KCP: variants seen among roughly 807,000 people sequenced by gnomAD.
The protein encoded by KCP is kielin cysteine rich BMP regulator.
A neutral mutation model predicts 212.7 loss-of-function variants in KCP; 194 were observed. That is an observed-to-expected ratio of 0.91 (90% CI 0.81 to 1.03). KCP has a LOEUF of 1.03. Among genes scored for constraint, KCP ranks in the 50% least tolerant of loss-of-function variants. The pLI is 0.00. For synonymous variants in KCP, 833 were observed against 865.3 expected, an observed-to-expected ratio of 0.96 and a Z score of 0.65; for missense variants, 2,080 against 2,162.5, an observed-to-expected ratio of 0.96 and a Z score of 0.76.
intron 16 of KCP, 38 bp from the exon 17 acceptor site, chr7:128,891,857 G>C (rs767684248): frequency 7.2e-7 from 1 of 1,390,360 alleles, no homozygotes; most frequent in Non-Finnish European, 9.5e-7. Flanking sequence ...TGAGGGCAAA[G>C]CCTGACAGTC....
chr7:128,888,745 T>C, intron 22 of KCP, 118 bp downstream of exon 22: 2 of 960,878 alleles, frequency 2.1e-6, no homozygotes, highest in East Asian at 2.8e-5. Flanking sequence ...AGTCGGAGAG[T>C]GAGAGAAAAG....
intron 8 of KCP, among the ~76,000 whole-genome samples, chr7:128,898,553 A>G (rs191259730): frequency 5.0e-4 from 76 of 152,384 alleles, no homozygotes; most frequent in African/African-American, 1.8e-3. Flanking sequence ...CACCAAAAGT[A>G]AAAGTTGCTA....
intron 5 of KCP, 121 bp from the exon 6 acceptor site, chr7:128,904,259 AGGG>A: frequency 6.5e-7 from 1 of 1,544,326 alleles, no homozygotes; most frequent in South Asian, 1.2e-5. Context: ...ATGGCGGGGC[AGGG>A]CAGGACAGGG....
rs148397434 is a variant in KCP, at chr7:128,904,129, T to C, written c.581A>G (p.Tyr194Cys). 2.1e-5 allele frequency: 33 copies of C among 1,551,622 alleles called. 1 individual carries two copies. In the South Asian group the frequency reaches 2.4e-4, roughly 11 times the overall value. ...CCPHCKPGCD[Y>C]EGQLYEEGVT... ...CCCCTCCTCATAAAGCTGCCCCTCA[T>C]AATCACAGCCTGGGAAGGTTGGCAG... The change falls in exon 6 of 40, where the codon TAT (tyrosine) becomes TGT (cysteine). Residue 194 changes from tyrosine (Y) to cysteine (C), a missense_variant. Tyr to Cys is a radical substitution (Grantham distance 194). Coordinates refer to ENST00000610776, the MANE Select transcript of KCP (RefSeq NM_001366122.1).
intron 21 of KCP, 68 bp downstream of exon 21, chr7:128,890,275 A>G (rs1794008208): frequency 6.4e-7 from 1 of 1,551,200 alleles, no homozygotes; most frequent in East Asian, 2.4e-5. Context: ...GGCAGTAAAG[A>G]TTATTCTGAC....
chr7:128,903,430 G>T, intron 7 of KCP: 1 of 481,538 alleles, frequency 2.1e-6, no homozygotes, highest in Non-Finnish European at 3.7e-6. Flanking sequence ...TCACACTCTA[G>T]GGGTCATCCC....
chr7:128,908,683 C>G (rs1795282144), intron 1 of KCP, 115 bp from the exon 2 acceptor site: 2 of 1,157,188 alleles, frequency 1.7e-6, no homozygotes, highest in African/African-American at 1.6e-5. Flanking sequence ...GCACCCTGCC[C>G]TCTCCAATTG....
At position 128,879,632 on chromosome 7, in the gene KCP, T is replaced by C; in HGVS notation, c.4045-9A>G. On this transcript the variant is annotated splice_polypyrimidine_tract_variant and intron_variant, in intron 36 of 39. Transcript: ENST00000610776. ...ACCGGGTGCCCATCCACCTGGAGGA[T>C]AAAGGAGGTGGGAGGAGGGGTGATG... The C allele has an allele frequency of 6.5e-7, 1 of 1,550,206 alleles. No individual in the cohort carries two copies. Among genetic ancestry groups the C allele is most frequent in the Non-Finnish European group, 8.7e-7 (1 of 1,146,686 alleles).
chr7:128,884,953 CT>C (rs1793555639), intron 27 of KCP, 90 bp from the exon 28 acceptor site: 1 of 1,492,576 alleles, frequency 6.7e-7, no homozygotes, highest in African/African-American at 1.4e-5. Flanking sequence ...CAGCCTCCCC[CT>C]GATCCCAGGG....
intron 4 of KCP, 37 bp from the exon 5 acceptor site, chr7:128,906,400 G>A: frequency 7.1e-7 from 1 of 1,400,084 alleles, no homozygotes; most frequent in Non-Finnish European, 9.9e-7. Context: ...ACAGACATCA[G>A]ATTCCTGGAG....
intron 8 of KCP, among the ~76,000 whole-genome samples, chr7:128,897,791 T>C (rs541007514): frequency 7.2e-5 from 11 of 152,274 alleles, no homozygotes; most frequent in African/African-American, 2.6e-4. Context: ...GAATTAGCCA[T>C]GTCTCCTAGC....
At chr7:128,909,579 C>T (rs957382121) in intron 1 of KCP, among the ~76,000 whole-genome samples, 12 of 152,052 alleles carry the variant, frequency 7.9e-5, no homozygotes, top group African/African-American at 2.9e-4. Context: ...TGAGTTGTCC[C>T]CTAATACATC....
At position 128,891,493 on chromosome 7, in the gene KCP, G is replaced by A; in HGVS notation, c.1836C>T (p.Asp612=). The change falls in exon 18 of 40, where the codon GAC becomes GAT. Residue 612 remains aspartate, a synonymous_variant. Transcript: ENST00000610776. The stretch of plus-strand genomic sequence containing the variant: ...GGCAGGGGTCAGAGGGGTGGGGGAA[G>A]TCCGCTCCGCTGGGGTACTCTTTCC... The part of the protein sequence containing the change: ...FGGKEYPSGA[D]FPHPSDPCRL... 6.5e-7 allele frequency: 1 copy of A among 1,550,136 alleles called. No individual in the cohort carries two copies. The highest frequency in any genetic ancestry group is 1.7e-4 in the Middle Eastern group (1 of 5,950).
chr7:128,877,341 A>G (rs1301509997), intron 39 of KCP, 30 bp from the exon 40 acceptor site: 2 of 1,525,944 alleles, frequency 1.3e-6, no homozygotes, highest in South Asian at 2.5e-5. Context: ...CGGGGTTACC[A>G]AGGCACCTGA....
In KCP at chr7:128,890,034, C is replaced by T. The variant is rs1187307800; in HGVS notation, c.2335+309G>A. The T allele has an allele frequency of 1.8e-5, 7 of 378,910 alleles. No individual in the cohort carries two copies. The East Asian group carries it at 2.8e-4, about 15-fold the overall frequency. The allele number at this position is 378,910 out of a possible 1,614,324, so 23.5% of individuals were successfully genotyped here. A position where few individuals can be genotyped will look rare whatever the true frequency, so the allele number is the denominator to read the frequency against. On this transcript the variant is annotated intron_variant, in intron 21 of 39. Transcript: ENST00000610776. The stretch of plus-strand genomic sequence containing the variant: ...GCCTCAAACTCCTGGGCAATCCTCC[C>T]ACCTCAGCCTCCGGAGTAGATGGAA...
At chr7:128,884,665 C>T in intron 28 of KCP, 116 bp downstream of exon 28, 1 of 943,922 alleles carries the variant, frequency 1.1e-6, no homozygotes, top group South Asian at 1.5e-5. Flanking sequence ...GGGATACACT[C>T]CTTTGGCCCC....
chr7:128,893,471 C>A lies in KCP; in HGVS notation c.1105G>T (p.Glu369Ter). 1 of 1,550,798 alleles carries A rather than the reference C, an allele frequency of 6.4e-7. No homozygotes were observed. The highest frequency in any genetic ancestry group is 8.7e-7 in the Non-Finnish European group (1 of 1,146,298). The stretch of plus-strand genomic sequence containing the variant: ...CTCTGATACTGGTGTCCCTGGTACT[C>A]ACAGCCTGGATGGGATGACAGGGGC... ...GQCCPVCDGC[E>*]YQGHQYQSQE... The change falls in exon 12 of 40, where the codon GAG becomes TAG. Residue 369 changes from glutamate (E) to a stop codon, truncating the protein, a stop_gained. Coordinates refer to ENST00000610776, the MANE Select transcript of KCP (RefSeq NM_001366122.1). LOFTEE classifies it high-confidence loss of function.
At chr7:128,909,275 T>A (rs60591364) in intron 1 of KCP, among the ~76,000 whole-genome samples, 39,208 of 151,826 alleles carry the variant, frequency 0.26, 6,578 homozygotes, top group East Asian at 0.55. Context: ...AAGTTGAGGG[T>A]CTGGAGCGGA....
intron 27 of KCP, 54 bp from the exon 28 acceptor site, chr7:128,884,917 G>C: frequency 1.3e-6 from 2 of 1,526,956 alleles, no homozygotes; most frequent in Non-Finnish European, 1.8e-6. Flanking sequence ...GGCTGGCAGC[G>C]AGGCAGGGGT....
Sources: allele counts gnomAD v4.1 joint callset (sites outside exome capture counted in the v4.1 genomes callset), GRCh38; gene constraint gnomAD v4.1.1; transcripts MANE v1.5; gene names NCBI Gene and HGNC (gene_info 2026-07-23, HGNC 2026-07-21).